CD3E: variants seen among roughly 807,000 people sequenced by gnomAD.
CD3E encodes the protein T-cell surface glycoprotein CD3 epsilon chain.
Under a neutral mutation model 34.7 loss-of-function variants are expected in CD3E, and 16 were observed. That is an observed-to-expected ratio of 0.46 (90% CI 0.31 to 0.70). The LOEUF (loss-of-function observed/expected upper bound fraction) is 0.70, where lower values mean the gene tolerates loss of function less well. Among genes scored for constraint, CD3E ranks in the 30% least tolerant of loss-of-function variants. CD3E has a pLI of 0.05. For synonymous variants in CD3E, 70 were observed against 90.8 expected (o/e 0.77, Z 1.30); for missense variants, 223 against 253.9 (o/e 0.88, Z 0.83).
chr11:118,315,916 T>A lies in CD3E; in HGVS notation c.*374T>A, dbSNP rs959041310. 12 of 352,912 alleles carry A rather than the reference T, an allele frequency of 3.4e-5. No individual in the cohort carries two copies. In the Admixed American group the frequency reaches 3.9e-4, roughly 11 times the overall value. The allele number at this position is 352,912 out of a possible 1,614,324, so 21.9% of individuals were successfully genotyped here. On this transcript the variant is annotated 3_prime_UTR_variant, in exon 9 of 9. Coordinates refer to ENST00000361763, the MANE Select transcript of CD3E (RefSeq NM_000733.4). ...CCATCCCAAAGTATTCCATCTACTT[T>A]TCTATCGCCGTCCCCTTTTGCAGCC...
In CD3E at chr11:118,304,951, A is replaced by T. The variant is rs1465566580; in HGVS notation, c.-2A>T. 3.7e-6 allele frequency: 6 copies of T among 1,613,912 alleles called. No individual in the cohort carries two copies. The African/African-American group carries it at 4.0e-5, about 11-fold the overall frequency. ...GTAAAGTAACAGTCCCATGAAACAA[A>T]GATGCAGTCGGGCACTCACTGGAGA... On this transcript the variant is annotated 5_prime_UTR_variant, in exon 2 of 9. It adds an upstream start codon to the 5' untranslated region. Coordinates refer to ENST00000361763, the MANE Select transcript of CD3E (RefSeq NM_000733.4).
chr11:118,306,623 C>T (rs1038297077), intron 2 of CD3E, among the ~76,000 whole-genome samples: 10 of 152,088 alleles, frequency 6.6e-5, no homozygotes, highest in African/African-American at 2.4e-4. Flanking sequence ...GATCCTGTCT[C>T]CCCCTGTGTA....
intron 8 of CD3E, 83 bp from the exon 9 acceptor site, chr11:118,315,403 A>G (rs1312393394): frequency 8.1e-7 from 1 of 1,236,654 alleles, no homozygotes; most frequent in Non-Finnish European, 1.2e-6. Context: ...CTTCCCACGC[A>G]CTAAAGCTAG....
chr11:118,304,946 A>C lies in CD3E; in HGVS notation c.-7A>C. 6.2e-7 allele frequency: 1 copy of C among 1,613,904 alleles called. No individual in the cohort carries two copies. Among genetic ancestry groups the C allele is most frequent in the Non-Finnish European group, 8.5e-7 (1 of 1,179,772 alleles). On this transcript the variant is annotated 5_prime_UTR_variant, in exon 2 of 9. Coordinates refer to ENST00000361763, the MANE Select transcript of CD3E (RefSeq NM_000733.4). ...TCTTAGTAAAGTAACAGTCCCATGA[A>C]ACAAAGATGCAGTCGGGCACTCACT... is the stretch of plus-strand genomic sequence containing the variant.
intron 8 of CD3E, among the ~76,000 whole-genome samples, chr11:118,314,960 TACACACACACAC>T (rs58102034): frequency 0.27 from 38,877 of 143,656 alleles, 5,864 homozygotes; most frequent in East Asian, 0.5. Context: ...CACACACACA[TACACACACACAC>T]ACACACACAC....
At position 118,315,774 on chromosome 11, in the gene CD3E, C is replaced by T; in HGVS notation, c.*232C>T. On this transcript the variant is annotated 3_prime_UTR_variant, in exon 9 of 9. Transcript: ENST00000361763. Reference sequence around the variant, plus strand: ...TCCTTTGAAGCATCATCAGTAGTCACACCCTCACAGCTGGCCTGCCCTCTT... The same window carrying T: ...TCCTTTGAAGCATCATCAGTAGTCATACCCTCACAGCTGGCCTGCCCTCTT... 4 of 613,402 alleles carry T rather than the reference C, an allele frequency of 6.5e-6. No individual in the cohort carries two copies. The highest frequency in any genetic ancestry group is 1.2e-5 in the Non-Finnish European group (4 of 341,418). The allele number at this position is 613,402 out of a possible 1,614,324, so 38.0% of individuals were successfully genotyped here.
intron 3 of CD3E, among the ~76,000 whole-genome samples, chr11:118,307,915 T>A (rs1470657701): frequency 6.6e-6 from 1 of 152,140 alleles, no homozygotes; most frequent in Admixed American, 6.5e-5. Flanking sequence ...ACACCTGTAA[T>A]CCCAGCACTT....
chr11:118,314,441 T>G lies in CD3E; in HGVS notation c.521-7T>G. 1 of 1,613,622 alleles carries G rather than the reference T, an allele frequency of 6.2e-7. No individual in the cohort carries two copies. ...GGAATGAAATGTTTCCCCTCCTTCC[T>G]CCGCAGGACAAAACAAGGAGAGGCC... On this transcript the variant is annotated splice_polypyrimidine_tract_variant and splice_region_variant and intron_variant, in intron 7 of 8. Coordinates refer to ENST00000361763, the MANE Select transcript of CD3E (RefSeq NM_000733.4).
chr11:118,306,879 A>G (rs962938513), intron 2 of CD3E, among the ~76,000 whole-genome samples: 2 of 152,224 alleles, frequency 1.3e-5, no homozygotes, highest in Non-Finnish European at 2.9e-5. Flanking sequence ...GCAGAGCCAG[A>G]GATGGAACAA....
intron 6 of CD3E, 56 bp from the exon 7 acceptor site, chr11:118,313,651 C>T (rs749952590): frequency 1.8e-5 from 28 of 1,552,744 alleles, no homozygotes; most frequent in Middle Eastern, 1.7e-4. Flanking sequence ...TCACCTCCAG[C>T]GCCTTGTGTT....
intron 2 of CD3E, among the ~76,000 whole-genome samples, chr11:118,306,037 G>A (rs919307627): frequency 3.9e-5 from 6 of 152,226 alleles, no homozygotes; most frequent in Non-Finnish European, 7.3e-5. Context: ...TGGAAATGGA[G>A]ATTCCGCATG....
At chr11:118,313,940 G>A (rs1948151074) in intron 7 of CD3E, 66 bp downstream of exon 7, 1 of 1,555,214 alleles carries the variant, frequency 6.4e-7, no homozygotes, top group African/African-American at 1.4e-5. Context: ...GGGCCAGGGT[G>A]GGTGGCAAGT....
chr11:118,305,568 T>C (rs1462905280), intron 2 of CD3E, among the ~76,000 whole-genome samples: 1 of 152,236 alleles, frequency 6.6e-6, no homozygotes, highest in Non-Finnish European at 1.5e-5. Flanking sequence ...AAAGTTGCCA[T>C]TTATTGTCAG....
intron 4 of CD3E, among the ~76,000 whole-genome samples, chr11:118,309,491 G>A (rs1208538643): frequency 6.6e-6 from 1 of 152,170 alleles, no homozygotes; most frequent in African/African-American, 2.4e-5. Flanking sequence ...TAGGAGAATT[G>A]CTTGAACCTG....
At chr11:118,307,222 T>C (rs1948111949) in intron 2 of CD3E, 66 bp from the exon 3 acceptor site, 1 of 1,290,078 alleles carries the variant, frequency 7.8e-7, no homozygotes, top group East Asian at 2.3e-5. Context: ...ACAGCCCTTT[T>C]TCTGTTTAGG....
In CD3E at chr11:118,312,684, T is replaced by C; in HGVS notation, c.170T>C (p.Ile57Thr). The C allele has an allele frequency of 6.2e-7, 1 of 1,614,190 alleles. No homozygotes were observed. Residue 57 changes from isoleucine to threonine, a missense_variant, in exon 6 of 9, where the codon ATA (isoleucine) becomes ACA (threonine). Physicochemically the swap from Ile to Thr is moderately conservative, Grantham distance 89. Transcript: ENST00000361763. ...LTCPQYPGSE[I>T]LWQHNDKNIG... ...TGCCCTCAGTATCCTGGATCTGAAATACTATGGCAACACAATGATAAAAAC... is the reference window on the plus strand; with the variant it reads ...TGCCCTCAGTATCCTGGATCTGAAACACTATGGCAACACAATGATAAAAAC...
chr11:118,307,401 C>A, intron 3 of CD3E, 93 bp downstream of exon 3: 1 of 1,134,412 alleles, frequency 8.8e-7, no homozygotes, highest in Non-Finnish European at 1.3e-6. Flanking sequence ...TCCCACAGAA[C>A]TTCCACAGAG....
intron 3 of CD3E, among the ~76,000 whole-genome samples, chr11:118,307,844 C>T (rs1021347357): frequency 2.0e-5 from 3 of 152,206 alleles, no homozygotes; most frequent in African/African-American, 7.2e-5. Context: ...TCAATCAGCT[C>T]TTCCAAACTG....
At chr11:118,315,163 T>G (rs191648164) in intron 8 of CD3E, among the ~76,000 whole-genome samples, 86 of 152,280 alleles carry the variant, frequency 5.6e-4, no homozygotes, top group Non-Finnish European at 9.6e-4. Flanking sequence ...CTGGATATAC[T>G]CAACAAATAT....
Sources: gnomAD v4.1 joint callset for allele counts (sites outside exome capture counted in the v4.1 genomes callset) on GRCh38, gnomAD v4.1.1 for gene constraint, MANE v1.5 for transcripts, NCBI Gene and HGNC (gene_info 2026-07-23, HGNC 2026-07-21) for gene names.